Variants in PNO1 observed in about 807,000 individuals in gnomAD.
PNO1 encodes the protein RNA-binding protein PNO1.
PNO1 carries 16 observed loss-of-function variants against 28.4 expected under a neutral mutation model. The ratio of observed to expected loss-of-function variants is 0.56; its 90% CI spans 0.38 to 0.85. PNO1 has a LOEUF of 0.85. Ranked by LOEUF, PNO1 falls within the 40% of genes least tolerant of loss-of-function variation. PNO1 has a pLI of 0.00. For missense variants in PNO1, 304 were observed against 312.2 expected (o/e 0.97, Z 0.20); for synonymous variants, 115 against 110.8 (o/e 1.04, Z -0.24).
intron 5 of PNO1, among the ~76,000 whole-genome samples, chr2:68,169,537 G>A (rs1245436017): frequency 1.1e-4 from 17 of 152,210 alleles, no homozygotes; most frequent in Admixed American, 1.1e-3. Flanking sequence ...GGTGGTGGCT[G>A]TGAAGTTGTC....
chr2:68,163,119 T>G (rs867413665), intron 5 of PNO1, among the ~76,000 whole-genome samples: 5 of 152,210 alleles, frequency 3.3e-5, no homozygotes, highest in South Asian at 2.1e-4. Context: ...TTTGGGTGAA[T>G]AGATGGTCAC....
At position 68,158,048 on chromosome 2, in the gene PNO1, A is replaced by T. The variant is rs188980407; in HGVS notation, c.114A>T (p.Ala38=). The part of the protein sequence containing the change: ...KKRQAEQLSA[A]GEGGDAGRMD... Reference sequence around the variant, plus strand: ...GACAGGCTGAACAGCTGTCCGCAGCAGGAGAGGGCGGGGATGCGGGCCGCA... The same window carrying T: ...GACAGGCTGAACAGCTGTCCGCAGCTGGAGAGGGCGGGGATGCGGGCCGCA... Residue 38 remains alanine, a synonymous_variant, in exon 1 of 7, where the codon GCA becomes GCT. Transcript: ENST00000263657. 5.6e-6 allele frequency: 9 copies of T among 1,614,054 alleles called. No homozygotes were observed. The East Asian group carries it at 2.0e-4, about 36-fold the overall frequency.
At chr2:68,163,545 ATAC>A (rs1673893747) in intron 5 of PNO1, among the ~76,000 whole-genome samples, 4 of 138,090 alleles carry the variant, frequency 2.9e-5, no homozygotes, top group East Asian at 2.0e-4. Flanking sequence ...AAATAAATAC[ATAC>A]ATACATACAT....
chr2:68,172,192 T>C (rs1674148143), intron 5 of PNO1, among the ~76,000 whole-genome samples: 1 of 152,136 alleles, frequency 6.6e-6, no homozygotes, highest in Admixed American at 6.5e-5. Flanking sequence ...AGAGCTAACA[T>C]CTTCACAGGT....
At chr2:68,165,761 G>A (rs1180071752) in intron 5 of PNO1, among the ~76,000 whole-genome samples, 1 of 152,050 alleles carries the variant, frequency 6.6e-6, no homozygotes, top group Non-Finnish European at 1.5e-5. Context: ...TTTATTACTG[G>A]TAAATTTATA....
chr2:68,169,122 G>C (rs1247669903), intron 5 of PNO1, among the ~76,000 whole-genome samples: 1 of 151,690 alleles, frequency 6.6e-6, no homozygotes, highest in Non-Finnish European at 1.5e-5. Flanking sequence ...GTAGAGATGG[G>C]GTTTCACCGT....
chr2:68,174,883 G>T lies in PNO1; in HGVS notation c.*81G>T. 1.3e-6 allele frequency: 1 copy of T among 796,278 alleles called. No individual in the cohort carries two copies. Among genetic ancestry groups the T allele is most frequent in the South Asian group, 1.6e-5 (1 of 63,206 alleles). 49.3% of individuals were successfully genotyped at this position (796,278 alleles called of 1,614,324 possible). ...AGTGGTCGGTCACAAGAAACCAGCT[G>T]AACAATTTCAGTCATTTGAAGCCTC... is the stretch of plus-strand genomic sequence containing the variant. On this transcript the variant is annotated 3_prime_UTR_variant, in exon 7 of 7. Coordinates refer to ENST00000263657, the MANE Select transcript of PNO1 (RefSeq NM_020143.4).
intron 5 of PNO1, among the ~76,000 whole-genome samples, chr2:68,166,482 G>A (rs772805360): frequency 2.0e-5 from 3 of 152,184 alleles, no homozygotes; most frequent in East Asian, 1.9e-4. Flanking sequence ...TCTTCATGGT[G>A]AATAAGCTAA....
At chr2:68,161,218 A>C in intron 2 of PNO1, 1 of 471,288 alleles carries the variant, frequency 2.1e-6, no homozygotes, top group Middle Eastern at 3.2e-4. Context: ...CAATCAGTGC[A>C]TGCAGGTAGT....
rs745558390 is a variant in PNO1, at chr2:68,162,593, G to T, written c.550G>T (p.Ala184Ser). 1 of 1,613,990 alleles carries T rather than the reference G, an allele frequency of 6.2e-7. No homozygotes were observed. The highest frequency in any genetic ancestry group is 8.5e-7 in the Non-Finnish European group (1 of 1,179,902). ...TCTATCCAGGGCAATAGGAAGAATC[G>T]CTGGCAAAGGAGGAAAAACCAAATT... is the stretch of plus-strand genomic sequence containing the variant. ...DHLSRAIGRIAGKGGKTKFTI... is the reference protein window; with the variant it reads ...DHLSRAIGRISGKGGKTKFTI... The change falls in exon 5 of 7, where the codon GCT becomes TCT. Residue 184 changes from alanine to serine, a missense_variant. Coordinates refer to ENST00000263657, the MANE Select transcript of PNO1 (RefSeq NM_020143.4).
chr2:68,161,773 A>G lies in PNO1; in HGVS notation c.441+7A>G. The G allele has an allele frequency of 1.3e-6, 2 of 1,571,124 alleles. No individual in the cohort carries two copies. Among genetic ancestry groups the G allele is most frequent in the Non-Finnish European group, 1.8e-6 (2 of 1,142,052 alleles). ...TCTCGGCTTTCAGGTGGAGGTGAGT[A>G]ATTCCATGATATCTAAAATGGGGAC... On this transcript the variant is annotated splice_region_variant and intron_variant, in intron 3 of 6. Coordinates refer to ENST00000263657, the MANE Select transcript of PNO1 (RefSeq NM_020143.4).
intron 5 of PNO1, 138 bp downstream of exon 5, chr2:68,162,801 CAT>C (rs1673870909): frequency 1.5e-6 from 1 of 668,720 alleles, no homozygotes; most frequent in Non-Finnish European, 2.7e-6. Context: ...ATAAATCCAT[CAT>C]AAATTGAAAA....
intron 5 of PNO1, among the ~76,000 whole-genome samples, chr2:68,172,705 G>A (rs973128599): frequency 5.3e-5 from 8 of 152,112 alleles, no homozygotes; most frequent in East Asian, 3.9e-4. Context: ...CCAGTGTGTC[G>A]TCTTGGGCAG....
chr2:68,169,514 C>T (rs182181299), intron 5 of PNO1, among the ~76,000 whole-genome samples: 12 of 152,274 alleles, frequency 7.9e-5, no homozygotes, highest in Non-Finnish European at 1.5e-5. Flanking sequence ...CTGAGCTCAC[C>T]ACAAGAGCAA....
At chr2:68,158,318 C>A in intron 1 of PNO1, 62 bp from the exon 2 acceptor site, 1 of 1,502,712 alleles carries the variant, frequency 6.7e-7, no homozygotes, top group Admixed American at 2.1e-5. Flanking sequence ...GATCAGATGT[C>A]ATTTTAAACT....
chr2:68,167,903 A>G (rs1674032822), intron 5 of PNO1, among the ~76,000 whole-genome samples: 1 of 152,172 alleles, frequency 6.6e-6, no homozygotes, highest in African/African-American at 2.4e-5. Context: ...TTTCTCCATC[A>G]TATTAGACTC....
chr2:68,163,099 T>C (rs1398468416), intron 5 of PNO1, among the ~76,000 whole-genome samples: 2 of 152,242 alleles, frequency 1.3e-5, no homozygotes, highest in African/African-American at 4.8e-5. Context: ...TTGGGAATCA[T>C]CTGTATACTT....
At chr2:68,169,362 G>T (rs1466141062) in intron 5 of PNO1, among the ~76,000 whole-genome samples, 1 of 152,154 alleles carries the variant, frequency 6.6e-6, no homozygotes, top group Non-Finnish European at 1.5e-5. Flanking sequence ...ATTGCACTAA[G>T]ATTAAAAATA....
At position 68,157,970 on chromosome 2, in the gene PNO1, A is replaced by C. The variant is rs372598559; in HGVS notation, c.36A>C (p.Ala12=). 2.1e-5 allele frequency: 34 copies of C among 1,613,984 alleles called. No individual in the cohort carries two copies. The African/African-American group carries it at 4.5e-4, about 22-fold the overall frequency. The change falls in exon 1 of 7, where the codon GCA becomes GCC. Residue 12 remains alanine, a synonymous_variant. Transcript: ENST00000263657. ...AAATGGAAACGCAGAGCGCCAGGGC[A>C]GAGGAGGGCTTTACCCAGGTCACCC... ...ESEMETQSAR[A]EEGFTQVTRK...
Sources: allele counts gnomAD v4.1 joint callset (sites outside exome capture counted in the v4.1 genomes callset), GRCh38; gene constraint gnomAD v4.1.1; transcripts MANE v1.5; gene names NCBI Gene and HGNC (gene_info 2026-07-23, HGNC 2026-07-21).